RGS8: variants seen among roughly 807,000 people sequenced by gnomAD.
RGS8 encodes the protein regulator of G protein signaling 8, also known as regulator of G-protein signaling 8.
RGS8 carries 8 observed loss-of-function variants against 21.7 expected under a neutral mutation model. The observed-to-expected ratio is 0.37, with a 90% CI of 0.22 to 0.66. The LOEUF is 0.66. RGS8 is among the 30% of genes least tolerant of loss of function. The pLI is 0.59. For synonymous variants in RGS8, 80 were observed against 83.6 expected, an observed-to-expected ratio of 0.96 and a Z score of 0.24; for missense variants, 157 against 217.9, an observed-to-expected ratio of 0.72 and a Z score of 1.76.
intron 1 of RGS8, among the ~76,000 whole-genome samples, chr1:182,680,620 G>A (rs201579822): frequency 1.0e-5 from 1 of 96,474 alleles, no homozygotes; most frequent in African/African-American, 6.2e-5. Flanking sequence ...CAGAAAGCAT[G>A]GGTTCATTCA....
the RGS8 span, among the ~76,000 whole-genome samples, chr1:182,723,457 C>T: frequency 1.3e-5 from 2 of 152,152 alleles, no homozygotes; most frequent in East Asian, 3.8e-4. Flanking sequence ...TTCTCTATGA[C>T]ACAGAAGCTG....
the RGS8 span, among the ~76,000 whole-genome samples, chr1:182,741,851 C>T: frequency 2.2e-5 from 3 of 139,200 alleles, no homozygotes; most frequent in Admixed American, 6.9e-5. Flanking sequence ...CCCTCACCTC[C>T]CGGACGGGGC....
At chr1:182,737,377 C>G in the RGS8 span, among the ~76,000 whole-genome samples, 2 of 152,006 alleles carry the variant, frequency 1.3e-5, no homozygotes, top group African/African-American at 4.8e-5. Context: ...TGTGGTTTGG[C>G]TGTGTCCCCA....
At chr1:182,663,417 A>G (rs938989152) in intron 5 of RGS8, among the ~76,000 whole-genome samples, 3 of 152,236 alleles carry the variant, frequency 2.0e-5, no homozygotes, top group African/African-American at 7.2e-5. Context: ...TTACTTCTAT[A>G]CTAAACAGAA....
intron 5 of RGS8, among the ~76,000 whole-genome samples, chr1:182,659,637 T>C (rs1348584227): frequency 6.6e-6 from 1 of 152,114 alleles, no homozygotes; most frequent in East Asian, 1.9e-4. Flanking sequence ...AGGCAAAGGT[T>C]GCAGTGAGCC....
At chr1:182,746,248 A>C in the RGS8 span, among the ~76,000 whole-genome samples, 9 of 152,370 alleles carry the variant, frequency 5.9e-5, no homozygotes, top group East Asian at 1.7e-3. Flanking sequence ...CAAAATAGGC[A>C]TTTAACTAAG....
At chr1:182,709,461 G>A in the RGS8 span, among the ~76,000 whole-genome samples, 1 of 152,044 alleles carries the variant, frequency 6.6e-6, no homozygotes, top group Non-Finnish European at 1.5e-5. Flanking sequence ...ATCTTTCTCT[G>A]GTTATGGTCT....
the RGS8 span, among the ~76,000 whole-genome samples, chr1:182,743,389 A>C: frequency 5.8e-4 from 88 of 152,292 alleles, 1 homozygote; most frequent in African/African-American, 1.9e-3. Flanking sequence ...TTTTCCTTAT[A>C]TATAGACCAA....
the RGS8 span, among the ~76,000 whole-genome samples, chr1:182,742,363 G>A: frequency 2.0e-5 from 3 of 151,850 alleles, no homozygotes; most frequent in Non-Finnish European, 2.9e-5. Context: ...CTGCAATCTC[G>A]GCACTTTGGG....
the RGS8 span, among the ~76,000 whole-genome samples, chr1:182,732,073 C>T: frequency 9.9e-5 from 15 of 152,100 alleles, no homozygotes; most frequent in African/African-American, 2.7e-4. Context: ...TAGATACTGA[C>T]GACTTTAGAA....
At chr1:182,687,631 C>G (rs1280166531), upstream of RGS8, among the ~76,000 whole-genome samples, 1 of 152,184 alleles carries the variant, frequency 6.6e-6, no homozygotes, top group African/African-American at 2.4e-5. Context: ...GTGAGTGGAT[C>G]ACTAGGCTGT....
At chr1:182,748,196 T>G in the RGS8 span, among the ~76,000 whole-genome samples, 3 of 152,200 alleles carry the variant, frequency 2.0e-5, no homozygotes, top group Non-Finnish European at 4.4e-5. Flanking sequence ...GTACAATAGA[T>G]CTCTTGAAAT....
chr1:182,724,623 T>C, the RGS8 span, among the ~76,000 whole-genome samples: 1 of 152,164 alleles, frequency 6.6e-6, no homozygotes, highest in Admixed American at 6.5e-5. Context: ...AGTGGTGCCA[T>C]CTCGGCCCAC....
chr1:182,682,370 G>A (rs1204626475), intron 1 of RGS8, among the ~76,000 whole-genome samples: 1 of 152,176 alleles, frequency 6.6e-6, no homozygotes, highest in Non-Finnish European at 1.5e-5. Context: ...GGGCTTAAAG[G>A]TTCTGAAGGG....
At chr1:182,746,544 G>A in the RGS8 span, among the ~76,000 whole-genome samples, 651 of 152,224 alleles carry the variant, frequency 4.3e-3, 6 homozygotes, top group African/African-American at 0.015. Context: ...GCTTATGCCT[G>A]TAATCCCAAC....
At chr1:182,698,162 G>A in the RGS8 span, among the ~76,000 whole-genome samples, 4 of 152,186 alleles carry the variant, frequency 2.6e-5, no homozygotes, top group Non-Finnish European at 5.9e-5. Context: ...CACTAGAATG[G>A]AGAGAAAGGT....
the RGS8 span, among the ~76,000 whole-genome samples, chr1:182,724,350 A>AAACAACT: frequency 2.8e-4 from 42 of 150,936 alleles, no homozygotes; most frequent in Middle Eastern, 3.4e-3. Flanking sequence ...TGAGGTATAG[A>AAACAACT]AACAACTGGG....
the RGS8 span, among the ~76,000 whole-genome samples, chr1:182,724,201 G>GATATATATAT: frequency 3.4e-3 from 141 of 42,074 alleles, 2 homozygotes; most frequent in Non-Finnish European, 4.7e-3. Flanking sequence ...GGCTAGACTG[G>GATATATATAT]ATATATATAT....
At chr1:182,690,464 G>T in the RGS8 span, among the ~76,000 whole-genome samples, 1 of 152,142 alleles carries the variant, frequency 6.6e-6, no homozygotes, top group South Asian at 2.1e-4. Flanking sequence ...TAAATTCTTA[G>T]CATATAGGCA....
Sources: allele counts gnomAD v4.1 joint callset (sites outside exome capture counted in the v4.1 genomes callset), GRCh38; gene constraint gnomAD v4.1.1; transcripts MANE v1.5; gene names NCBI Gene and HGNC (gene_info 2026-07-23, HGNC 2026-07-21).